The following LARGE1 variants were observed in gnomAD, a reference collection of about 807,000 sequenced individuals.
The protein encoded by LARGE1 is LARGE xylosyl- and glucuronyltransferase 1.
A neutral mutation model predicts 87.6 loss-of-function variants in LARGE1; 43 were observed. That is an observed-to-expected ratio of 0.49 (90% CI 0.38 to 0.63). The LOEUF is 0.63. Among genes scored for constraint, LARGE1 ranks in the 30% least tolerant of loss-of-function variants. The pLI is 0.00. For missense variants in LARGE1, 802 were observed against 1,000.2 expected (o/e 0.80, Z 2.67); for synonymous variants, 434 against 394.6 (o/e 1.10, Z -1.18).
At chr22:33,350,322 T>A (rs1332289164) in intron 9 of LARGE1, among the ~76,000 whole-genome samples, 1 of 152,224 alleles carries the variant, frequency 6.6e-6, no homozygotes, top group Non-Finnish European at 1.5e-5. Context: ...GTGTCCTCAA[T>A]GACTGCTGCC....
At chr22:33,679,479 C>A (rs1479479427) in intron 2 of LARGE1, among the ~76,000 whole-genome samples, 1 of 151,494 alleles carries the variant, frequency 6.6e-6, no homozygotes, top group Non-Finnish European at 1.5e-5. Context: ...CACACACACA[C>A]ACACACACAC....
At chr22:33,170,927 A>G (rs970409850) in intron 11 of LARGE1, among the ~76,000 whole-genome samples, 9 of 152,210 alleles carry the variant, frequency 5.9e-5, no homozygotes, top group Non-Finnish European at 1.0e-4. Context: ...GATGTGGGAA[A>G]GTTTGGAACT....
intron 4 of LARGE1, among the ~76,000 whole-genome samples, chr22:33,623,705 TAAAAAAAA>T (rs36005583): frequency 1.5e-5 from 2 of 133,518 alleles, no homozygotes; most frequent in Non-Finnish European, 3.2e-5. Context: ...TTAACTGATT[TAAAAAAAA>T]AAAAAAAAAA....
intron 2 of LARGE1, among the ~76,000 whole-genome samples, chr22:33,728,516 G>A (rs899387262): frequency 7.9e-6 from 1 of 127,104 alleles, no homozygotes; most frequent in Non-Finnish European, 1.6e-5. Context: ...TACAGCCTGG[G>A]CAACAAAGCG....
intron 10 of LARGE1, among the ~76,000 whole-genome samples, chr22:33,333,025 T>TTTTTTTTTTTTTA (rs1569065273): frequency 6.7e-6 from 1 of 150,346 alleles, no homozygotes; most frequent in African/African-American, 2.5e-5. Flanking sequence ...TTTTTTTTTT[T>TTTTTTTTTTTTTA]GGACGGAGTC....
intron 6 of LARGE1, among the ~76,000 whole-genome samples, chr22:33,548,272 G>A (rs2077422883): frequency 1.3e-5 from 2 of 152,188 alleles, no homozygotes; most frequent in South Asian, 4.1e-4. Flanking sequence ...CATGTAAGAT[G>A]CCTGCCCCCG....
rs529916653 is a variant in LARGE1 at position 33,392,015 on chromosome 22, T to C, written c.893-7711A>G. ...CGAACTCCTGACCTCATGATCCACC[T>C]GCCTCGGCCTCCCCAAGTGTTGCAA... On this transcript the variant is annotated intron_variant, in intron 7 of 14. Transcript: ENST00000397394. 2.4e-3 allele frequency among the ~76,000 whole-genome samples: 357 copies of C among 151,820 alleles called. 2 individuals are homozygous for C. Among genetic ancestry groups the C allele is most frequent in the Non-Finnish European group, 3.6e-3 (246 of 67,866 alleles).
At chr22:33,560,362 C>G (rs1202338074) in intron 6 of LARGE1, among the ~76,000 whole-genome samples, 7 of 152,062 alleles carry the variant, frequency 4.6e-5, no homozygotes, top group Non-Finnish European at 8.8e-5. Context: ...ATCTGCGGTG[C>G]CGTGAGGGTG....
intron 11 of LARGE1, among the ~76,000 whole-genome samples, chr22:33,211,893 A>G (rs1924982816): frequency 6.6e-6 from 1 of 152,238 alleles, no homozygotes; most frequent in African/African-American, 2.4e-5. Context: ...GCTGTATAAC[A>G]TTCCCTTAAA....
chr22:33,474,166 A>G (rs1171484966), intron 6 of LARGE1, among the ~76,000 whole-genome samples: 1 of 151,960 alleles, frequency 6.6e-6, no homozygotes, highest in Non-Finnish European at 1.5e-5. Context: ...TTATTTATTT[A>G]TTTATTTATT....
At chr22:33,912,163 TAAAC>T (rs1051160180) in intron 1 of LARGE1, among the ~76,000 whole-genome samples, 13 of 152,166 alleles carry the variant, frequency 8.5e-5, no homozygotes, top group African/African-American at 1.4e-4. Context: ...AGAAGGCTCT[TAAAC>T]AAACAGTGTT....
intron 9 of LARGE1, among the ~76,000 whole-genome samples, chr22:33,374,203 C>T (rs1226746082): frequency 1.3e-5 from 2 of 152,140 alleles, no homozygotes; most frequent in African/African-American, 4.8e-5. Flanking sequence ...ACCTTGGACT[C>T]ATTCTTTCTA....
At chr22:33,242,327 T>C (rs1368408008) in intron 11 of LARGE1, among the ~76,000 whole-genome samples, 5 of 152,116 alleles carry the variant, frequency 3.3e-5, no homozygotes, top group African/African-American at 9.7e-5. Flanking sequence ...CCAAATTCAA[T>C]TTATATGCAC....
At chr22:33,136,662 T>TG in the LARGE1 span, among the ~76,000 whole-genome samples, 4 of 152,148 alleles carry the variant, frequency 2.6e-5, no homozygotes, top group Non-Finnish European at 5.9e-5. Flanking sequence ...TGAGCAAGCA[T>TG]GGGGGATTTA....
chr22:33,881,209 C>T (rs914492891), intron 1 of LARGE1, among the ~76,000 whole-genome samples: 2 of 152,088 alleles, frequency 1.3e-5, no homozygotes, highest in African/African-American at 4.8e-5. Context: ...CCCCCCGGGG[C>T]CGAAAAAGAA....
chr22:33,242,913 G>A (rs534635172), intron 11 of LARGE1, among the ~76,000 whole-genome samples: 3 of 152,312 alleles, frequency 2.0e-5, no homozygotes, highest in South Asian at 2.1e-4. Context: ...CCTAGTACAA[G>A]CATCACCTCC....
chr22:33,501,185 G>A (rs1338307982), intron 6 of LARGE1, among the ~76,000 whole-genome samples: 1 of 152,206 alleles, frequency 6.6e-6, no homozygotes, highest in Non-Finnish European at 1.5e-5. Flanking sequence ...GTGGATTAGA[G>A]CCACTCTCCA....
At chr22:33,482,862 T>C (rs2069389620) in intron 6 of LARGE1, among the ~76,000 whole-genome samples, 2 of 152,282 alleles carry the variant, frequency 1.3e-5, no homozygotes, top group South Asian at 2.1e-4. Context: ...GGCTCCATAG[T>C]TCCTGGAAAT....
intron 3 of LARGE1, among the ~76,000 whole-genome samples, chr22:33,634,797 C>A (rs1302704547): frequency 6.6e-6 from 1 of 152,028 alleles, no homozygotes; most frequent in East Asian, 1.9e-4. Context: ...CTGAGAATGA[C>A]CCTATGGTCC....
Sources: allele counts gnomAD v4.1 joint callset (sites outside exome capture counted in the v4.1 genomes callset), GRCh38; gene constraint gnomAD v4.1.1; transcripts MANE v1.5; gene names NCBI Gene and HGNC (gene_info 2026-07-23, HGNC 2026-07-21).